The following DMD variants were observed in gnomAD, a reference collection of about 807,000 sequenced individuals.
DMD encodes the protein dystrophin.
In DMD, 63 loss-of-function variants were observed where a neutral mutation model predicts 330.1. The observed-to-expected ratio is 0.19, with a 90% CI of 0.16 to 0.24. The LOEUF (loss-of-function observed/expected upper bound fraction) is 0.24, where lower values mean the gene tolerates loss of function less well. Among genes scored for constraint, DMD ranks in the 10% least tolerant of loss-of-function variants. The pLI is 1.00. For missense variants in DMD, 3,344 were observed against 2,684.1 expected, an observed-to-expected ratio of 1.25 and a Z score of -5.43; for synonymous variants, 1,223 against 959.8, an observed-to-expected ratio of 1.27 and a Z score of -5.07.
At chrX:33,335,053 A>T (rs781310907) in intron 1 of DMD, among the ~76,000 whole-genome samples, 5 of 110,721 alleles carry the variant, frequency 4.5e-5, no homozygotes, top group Non-Finnish European at 7.6e-5. Flanking sequence ...AAATCAGCTT[A>T]ATTTTCTCTA....
At chrX:32,894,073 G>A (rs1031717502) in intron 2 of DMD, among the ~76,000 whole-genome samples, 17 of 111,644 alleles carry the variant, frequency 1.5e-4, no homozygotes, top group African/African-American at 5.5e-4. Flanking sequence ...ACCAAATCTA[G>A]ATCAACTTAG....
chrX:31,502,026 A>G (rs2070453785), intron 56 of DMD, among the ~76,000 whole-genome samples: 1 of 111,657 alleles, frequency 9.0e-6, no homozygotes, highest in African/African-American at 3.2e-5. Flanking sequence ...TGGGGAAAAG[A>G]CAGTCTCTTC....
chrX:32,800,917 A>C (rs1005192884), intron 7 of DMD, among the ~76,000 whole-genome samples: 1 of 111,809 alleles, frequency 8.9e-6, no homozygotes, highest in African/African-American at 3.3e-5. Context: ...TCCATGGTGT[A>C]TATGTGCCAA....
chrX:32,730,731 G>A (rs758345518), intron 7 of DMD, among the ~76,000 whole-genome samples: 30 of 112,108 alleles, frequency 2.7e-4, no homozygotes, highest in Admixed American at 2.8e-4. Context: ...GTTACATGAT[G>A]AAATTAGTAT....
intron 43 of DMD, among the ~76,000 whole-genome samples, chrX:32,281,466 G>A (rs140929498): frequency 8.9e-6 from 1 of 111,879 alleles, no homozygotes; most frequent in East Asian, 2.8e-4. Flanking sequence ...ACACAGAAAT[G>A]TGTACACATC....
chrX:32,592,765 C>A (rs1480743904), intron 13 of DMD, among the ~76,000 whole-genome samples: 2 of 112,356 alleles, frequency 1.8e-5, no homozygotes, highest in African/African-American at 6.5e-5. Context: ...GACCTTGGGG[C>A]TCCTCAAGCC....
chrX:31,864,873 G>A (rs1053558979), intron 48 of DMD, among the ~76,000 whole-genome samples: 3 of 111,624 alleles, frequency 2.7e-5, no homozygotes, highest in African/African-American at 9.8e-5. Flanking sequence ...CTTTTTCTAC[G>A]CCTTAGGAAA....
At chrX:31,358,592 C>T (rs961536843) in intron 60 of DMD, among the ~76,000 whole-genome samples, 3 of 112,313 alleles carry the variant, frequency 2.7e-5, no homozygotes, top group African/African-American at 9.7e-5. Flanking sequence ...TCAGTCACTG[C>T]GTTTTTGGGA....
intron 55 of DMD, among the ~76,000 whole-genome samples, chrX:31,528,121 G>A (rs1195526515): frequency 9.0e-6 from 1 of 111,658 alleles, no homozygotes; most frequent in Non-Finnish European, 1.9e-5. Flanking sequence ...GAAGGCAAGT[G>A]GATTTGTACC....
rs746994243 is a variant in DMD at position 31,307,623 on chromosome X, T to A, written c.9224+15975A>T. Among the ~76,000 whole-genome samples the A allele has an allele frequency of 2.8e-3, 315 of 111,513 alleles. 2 individuals carry two copies. The highest frequency in any genetic ancestry group is 0.016 in the South Asian group (43 of 2,637). ...CAAAAAAACCCCAAAAAACTATGTG[T>A]GAAAAAAAAATCGGCTCTCTTGTAT... is the stretch of plus-strand genomic sequence containing the variant. On this transcript the variant is annotated intron_variant, in intron 62 of 78. Coordinates refer to ENST00000357033, the MANE Select transcript of DMD (RefSeq NM_004006.3).
chrX:32,461,741 AAAAAC>A (rs1158457064), intron 25 of DMD, among the ~76,000 whole-genome samples: 1 of 110,722 alleles, frequency 9.0e-6, no homozygotes, highest in Non-Finnish European at 1.9e-5. Flanking sequence ...TCAACAAACA[AAAAAC>A]AAATACCTTT....
chrX:31,145,188 T>C (rs776325489), intron 76 of DMD, among the ~76,000 whole-genome samples: 1 of 112,118 alleles, frequency 8.9e-6, no homozygotes, highest in Non-Finnish European at 1.9e-5. Flanking sequence ...TTTTCCACCT[T>C]CCCTTCTCTT....
chrX:33,125,555 C>T (rs1416142200), intron 1 of DMD, among the ~76,000 whole-genome samples: 2 of 111,501 alleles, frequency 1.8e-5, no homozygotes, highest in Non-Finnish European at 3.8e-5. Context: ...ACATCAAAAG[C>T]TTACATTTTA....
intron 63 of DMD, among the ~76,000 whole-genome samples, chrX:31,230,229 G>A (rs1319032431): frequency 8.9e-6 from 1 of 112,088 alleles, no homozygotes; most frequent in Admixed American, 9.5e-5. Flanking sequence ...CAGGAATTAT[G>A]CATTCATACT....
At chrX:32,174,460 A>G (rs1463804287) in intron 44 of DMD, among the ~76,000 whole-genome samples, 1 of 112,253 alleles carries the variant, frequency 8.9e-6, no homozygotes, top group Non-Finnish European at 1.9e-5. Context: ...GCCCATTGCC[A>G]TTTTTGTAAA....
intron 1 of DMD, among the ~76,000 whole-genome samples, chrX:33,058,304 TGA>T (rs750250795): frequency 7.2e-5 from 8 of 110,854 alleles, no homozygotes; most frequent in Non-Finnish European, 1.5e-4. Context: ...TCCCCTTTTT[TGA>T]GACAGGGTCT....
chrX:32,474,607 T>A (rs1050474547), intron 21 of DMD, among the ~76,000 whole-genome samples: 1 of 112,149 alleles, frequency 8.9e-6, no homozygotes, highest in Non-Finnish European at 1.9e-5. Flanking sequence ...ATTTCCCTGA[T>A]CATTCATAAT....
intron 36 of DMD, 144 bp downstream of exon 36, chrX:32,364,438 G>T: frequency 1.5e-6 from 1 of 669,930 alleles, no homozygotes; most frequent in Non-Finnish European, 2.3e-6. Context: ...TTCAAAGGGG[G>T]AAGGAAGGAA....
At chrX:33,289,717 T>C (rs1180296593) in intron 1 of DMD, among the ~76,000 whole-genome samples, 2 of 111,343 alleles carry the variant, frequency 1.8e-5, no homozygotes, top group Non-Finnish European at 3.8e-5. Context: ...GTCTTTTATT[T>C]CCAAAAGATT....
Sources: gnomAD v4.1 joint callset for allele counts (sites outside exome capture counted in the v4.1 genomes callset) on GRCh38, gnomAD v4.1.1 for gene constraint, MANE v1.5 for transcripts, NCBI Gene and HGNC (gene_info 2026-07-23, HGNC 2026-07-21) for gene names.